The following R3HDM4 variants were observed in gnomAD, a reference collection of about 807,000 sequenced individuals.
R3HDM4 encodes the protein R3H domain containing 4.
A neutral mutation model predicts 31.3 loss-of-function variants in R3HDM4; 30 were observed. The ratio of observed to expected loss-of-function variants is 0.96; its 90% CI spans 0.72 to 1.30. The LOEUF (loss-of-function observed/expected upper bound fraction) is 1.30. R3HDM4 is among the 50% of genes most tolerant of loss of function. R3HDM4 has a pLI of 0.00. For missense variants in R3HDM4, 444 were observed against 366.1 expected (o/e 1.21, Z -1.74); for synonymous variants, 196 against 156.6 (o/e 1.25, Z -1.88).
At chr19:900,033 A>T in intron 5 of R3HDM4, 28 bp downstream of exon 5, 1 of 1,607,522 alleles carries the variant, frequency 6.2e-7, no homozygotes, top group South Asian at 1.1e-5. Flanking sequence ...GCAGGTAGAA[A>T]AGGGAGGCCC....
At chr19:898,189 C>T (rs954852487) in intron 7 of R3HDM4, among the ~76,000 whole-genome samples, 6 of 150,314 alleles carry the variant, frequency 4.0e-5, no homozygotes, top group Admixed American at 4.0e-4. Context: ...TGAGACCATC[C>T]TGGCTAACAC....
chr19:901,054 C>A, intron 3 of R3HDM4, 102 bp from the exon 4 acceptor site: 1 of 1,391,204 alleles, frequency 7.2e-7, no homozygotes, highest in Non-Finnish European at 9.7e-7. Flanking sequence ...CGTGGACGCG[C>A]TCCTGCGGTC....
In R3HDM4 at chr19:902,032, T is replaced by G. The variant is rs1279397524; in HGVS notation, c.170A>C (p.Asn57Thr). 6.2e-7 allele frequency: 1 copy of G among 1,613,852 alleles called. No individual in the cohort carries two copies. The highest frequency in any genetic ancestry group is 8.5e-7 in the Non-Finnish European group (1 of 1,179,988). Residue 57 changes from asparagine (N) to threonine (T), a missense_variant, in exon 2 of 8, where the codon AAC becomes ACC. By Grantham distance (65) the Asn-to-Thr change is moderately conservative (BLOSUM62 0). Transcript: ENST00000361574. ...CTTGGCCTTGGGCACGAGGTCTGAG[T>G]TCCGCACTGCCTGGTTGATGAAGTG... ...KQHFINQAVRNSDLVPKAKGR... is the reference protein window; with the variant it reads ...KQHFINQAVRTSDLVPKAKGR...
intron 7 of R3HDM4, 57 bp from the exon 8 acceptor site, chr19:897,597 G>A: frequency 7.3e-7 from 1 of 1,375,540 alleles, no homozygotes; most frequent in Non-Finnish European, 1.0e-6. Context: ...GCGGCAGGTA[G>A]AGGTGCCTCG....
Position 907,961 on chromosome 19 carries a change from G to A in R3HDM4, c.71+5126C>T, listed in dbSNP as rs142257434. Among the ~76,000 whole-genome samples the A allele has an allele frequency of 2.0e-5, 3 of 152,292 alleles. No individual in the cohort carries two copies. The East Asian group carries it at 5.8e-4, about 29-fold the overall frequency. On this transcript the variant is annotated intron_variant, in intron 1 of 7. Coordinates refer to ENST00000361574, the MANE Select transcript of R3HDM4 (RefSeq NM_138774.4). This position sits in a 1 kb window ranked among gnomAD's most constrained non-coding sequence, Gnocchi z 4.1. ...TGTCATCCCAGCACTTTGGGAGGCC[G>A]AGGCGGGCGGATCATGAGGTCAAGA...
intron 1 of R3HDM4, among the ~76,000 whole-genome samples, chr19:903,295 C>A (rs973348197): frequency 6.6e-6 from 1 of 151,658 alleles, no homozygotes; most frequent in Non-Finnish European, 1.5e-5. Flanking sequence ...GCGGCTGCAG[C>A]GGCCCCCCTC....
At chr19:900,995 G>T (rs1445056141) in intron 3 of R3HDM4, 43 bp from the exon 4 acceptor site, 2 of 1,519,708 alleles carry the variant, frequency 1.3e-6, no homozygotes, top group African/African-American at 2.8e-5. Flanking sequence ...GAAACACTGG[G>T]GCTGCGCTGA....
Position 897,387 on chromosome 19 carries a change from A to G in R3HDM4, c.*50T>C. 7.4e-7 allele frequency: 1 copy of G among 1,357,674 alleles called. No homozygotes were observed. The highest frequency in any genetic ancestry group is 1.0e-6 in the Non-Finnish European group (1 of 983,896). The allele number at this position is 1,357,674 out of a possible 1,614,324, so 84.1% of individuals were successfully genotyped here. A position where few individuals can be genotyped will look rare whatever the true frequency, so the allele number is the denominator to read the frequency against. On this transcript the variant is annotated 3_prime_UTR_variant, in exon 8 of 8. Transcript: ENST00000361574. ...AAGATATTTTAGCCGAAGGTATCGG[A>G]GGGCTTGATGGCTGGGCGAGGTGGC...
chr19:903,351 A>C (rs149576714), intron 1 of R3HDM4, among the ~76,000 whole-genome samples: 1 of 151,210 alleles, frequency 6.6e-6, no homozygotes, highest in Non-Finnish European at 1.5e-5. Flanking sequence ...AATTGTGGAG[A>C]TGGATTAGCT....
At chr19:911,900 G>A (rs902043763) in intron 1 of R3HDM4, among the ~76,000 whole-genome samples, 3 of 151,848 alleles carry the variant, frequency 2.0e-5, no homozygotes, top group African/African-American at 4.8e-5. Context: ...GCCCGGAAAG[G>A]CAGGGGGCGC....
rs1484167804 is a variant in R3HDM4, at chr19:896,851, C to T, written c.*586G>A. On this transcript the variant is annotated 3_prime_UTR_variant, in exon 8 of 8. Transcript: ENST00000361574. This position sits in a 1 kb window ranked among gnomAD's most constrained non-coding sequence, Gnocchi z 4.0. ...CGCAGAATGACGAGGATAAAACCGG[C>T]TCTTAGGACCGTGGCTTCTGTCCTG... is the stretch of plus-strand genomic sequence containing the variant. 2.0e-5 allele frequency: 3 copies of T among 152,350 alleles called. No individual in the cohort carries two copies. The highest frequency in any genetic ancestry group is 6.5e-5 in the Admixed American group (1 of 15,276). 9.4% of individuals were successfully genotyped at this position (152,350 alleles called of 1,614,324 possible). A position where few individuals can be genotyped will look rare whatever the true frequency, so the allele number is the denominator to read the frequency against.
rs2036790031 is a variant in R3HDM4, at chr19:899,240, T to C, written c.703+200A>G. Among the ~76,000 whole-genome samples the C allele has an allele frequency of 6.6e-6, 1 of 152,042 alleles. No homozygotes were observed. On this transcript the variant is annotated intron_variant, in intron 7 of 7. Coordinates refer to ENST00000361574, the MANE Select transcript of R3HDM4 (RefSeq NM_138774.4). This position sits in a 1 kb window ranked among gnomAD's most constrained non-coding sequence, Gnocchi z 6.8. ...TGGTTGTGTCTGCGGTCACCCTGCGTGGGGCCGCATATGCAGGGAGCTTCT... is the reference window on the plus strand; with the variant it reads ...TGGTTGTGTCTGCGGTCACCCTGCGCGGGGCCGCATATGCAGGGAGCTTCT...
intron 1 of R3HDM4, among the ~76,000 whole-genome samples, chr19:905,464 C>T (rs1474332720): frequency 6.7e-6 from 1 of 148,818 alleles, no homozygotes; most frequent in African/African-American, 2.5e-5. Context: ...AAGATCATGC[C>T]GTTGCACTCC....
In R3HDM4 at chr19:900,831, CTCCTCCGG is replaced by C; in HGVS notation, c.465_472del (p.Asp155GlufsTer80). 6.5e-7 allele frequency: 1 copy of C among 1,535,720 alleles called. No homozygotes were observed. The highest frequency in any genetic ancestry group is 8.8e-7 in the Non-Finnish European group (1 of 1,140,318). ...ACCCGCCCCAGCCAGGCCCGCACCT[CTCCTCCGG>C]TCCTCCCCACGGCCAGGGCCCCTCC... On this transcript the variant is annotated frameshift_variant, in exon 4 of 8. Coordinates refer to ENST00000361574, the MANE Select transcript of R3HDM4 (RefSeq NM_138774.4). LOFTEE classifies it high-confidence loss of function.
At position 899,738 on chromosome 19, in the gene R3HDM4, G is replaced by A. The variant is rs1352154014; in HGVS notation, c.562-52C>T. The A allele has an allele frequency of 1.1e-5, 16 of 1,424,574 alleles. No homozygotes were observed. The highest frequency in any genetic ancestry group is 1.0e-5 in the Non-Finnish European group (11 of 1,063,796). The allele number at this position is 1,424,574 out of a possible 1,614,324, so 88.2% of individuals were successfully genotyped here. ...GAACTGCGGGACCTGTGGGTGGGGG[G>A]CCAGGGAGGTCCAGGGCCCCCAGGA... On this transcript the variant is annotated intron_variant, in intron 5 of 7. Transcript: ENST00000361574. This position sits in a 1 kb window ranked among gnomAD's most constrained non-coding sequence, Gnocchi z 6.8.
chr19:911,357 T>C (rs1374115980), intron 1 of R3HDM4, among the ~76,000 whole-genome samples: 1 of 152,092 alleles, frequency 6.6e-6, no homozygotes, highest in Non-Finnish European at 1.5e-5. Flanking sequence ...CGCAGGAGAA[T>C]CGCTTGAACC....
intron 7 of R3HDM4, 65 bp from the exon 8 acceptor site, chr19:897,605 T>C: frequency 2.4e-6 from 3 of 1,268,934 alleles, no homozygotes; most frequent in Non-Finnish European, 3.3e-6. Flanking sequence ...TAGAGGTGCC[T>C]CGGACCTGCA....
rs1167370413 is a variant in R3HDM4 at position 900,925 on chromosome 19, C to T, written c.379G>A (p.Gly127Arg). ...EVWNDFMNRS[G>R]EEQERVLRYL... ...CGAAGAACCCGCTCCTGCTCCTCCC[C>T]GGAGCGGTTCATGAAATCGTTCCAG... Residue 127 changes from glycine to arginine, a missense_variant, in exon 4 of 8, where the codon GGG becomes AGG. Gly to Arg is a moderately radical substitution (Grantham distance 125). Coordinates refer to ENST00000361574, the MANE Select transcript of R3HDM4 (RefSeq NM_138774.4). The T allele has an allele frequency of 1.2e-6, 2 of 1,607,662 alleles. No homozygotes were observed. Among genetic ancestry groups the T allele is most frequent in the Non-Finnish European group, 1.7e-6 (2 of 1,177,848 alleles).
intron 4 of R3HDM4, 55 bp downstream of exon 4, chr19:900,774 C>A: frequency 1.2e-6 from 1 of 864,392 alleles, no homozygotes; most frequent in South Asian, 2.0e-5. Context: ...CACCCCAGGC[C>A]ACGCCCCCAT....
Sources: gnomAD v4.1 joint callset for allele counts (sites outside exome capture counted in the v4.1 genomes callset) on GRCh38, gnomAD v4.1.1 for gene constraint, Gnocchi (gnomAD v3.1) non-coding constraint, MANE v1.5 for transcripts, NCBI Gene and HGNC (gene_info 2026-07-23, HGNC 2026-07-21) for gene names.